Variants in CSMD1 observed in about 807,000 individuals in gnomAD.
The protein encoded by CSMD1 is CUB and sushi domain-containing protein 1.
A neutral mutation model predicts 417.5 loss-of-function variants in CSMD1; 213 were observed. The observed-to-expected ratio is 0.51, with a 90% confidence interval of 0.46 to 0.57. The LOEUF is 0.57. CSMD1 is among the 20% of genes least tolerant of loss of function. The pLI, the probability that CSMD1 is intolerant of heterozygous loss-of-function variation, is 0.00. For missense variants in CSMD1, 6,923 were observed against 4,529.7 expected, an observed-to-expected ratio of 1.53 and a Z score of -15.17; for synonymous variants, 2,862 against 1,736.8, an observed-to-expected ratio of 1.65 and a Z score of -16.11.
At chr8:4,273,709 A>G (rs1227640078) in intron 3 of CSMD1, among the ~76,000 whole-genome samples, 1 of 152,186 alleles carries the variant, frequency 6.6e-6, no homozygotes, top group African/African-American at 2.4e-5. Context: ...TATTCAGTTA[A>G]AAGGATTTGT....
In CSMD1 at chr8:4,023,084, T is replaced by C. The variant is rs562819203; in HGVS notation, c.610+8821A>G. 9.2e-5 allele frequency among the ~76,000 whole-genome samples: 14 copies of C among 152,316 alleles called. No individual in the cohort carries two copies. The East Asian group carries it at 1.4e-3, about 15-fold the overall frequency. ...CTCTTTGCAGTGAAATATGGCCTCA[T>C]GGTTGAGCTTCAGCTAATGCAGTGG... On this transcript the variant is annotated intron_variant, in intron 4 of 69. Transcript: ENST00000635120.
At position 3,118,493 on chromosome 8, in the gene CSMD1, C is replaced by T. The variant is rs1266329557; in HGVS notation, c.6336G>A (p.Glu2112=). 4 of 1,613,926 alleles carry T rather than the reference C, an allele frequency of 2.5e-6. No individual in the cohort carries two copies. Among genetic ancestry groups the T allele is most frequent in the South Asian group, 1.1e-5 (1 of 91,086 alleles). The stretch of plus-strand genomic sequence containing the variant: ...CTATTAGAATGTACCCAGGATAACA[C>T]TCGAAAGATACTGATTGCCCCACGC... ...DYSVGQSVSF[E]CYPGYILIGH... Residue 2112 remains glutamate (E), a synonymous_variant, in exon 42 of 70, where the codon GAG becomes GAA. Coordinates refer to ENST00000635120, the MANE Select transcript of CSMD1 (RefSeq NM_033225.6).
At chr8:3,434,503 T>C (rs539449695) in intron 12 of CSMD1, among the ~76,000 whole-genome samples, 7 of 152,312 alleles carry the variant, frequency 4.6e-5, no homozygotes, top group East Asian at 3.9e-4. Flanking sequence ...CATTTTGTTA[T>C]AGACAGTTCA....
chr8:3,091,267 C>T (rs952679765), intron 48 of CSMD1, among the ~76,000 whole-genome samples: 2 of 151,776 alleles, frequency 1.3e-5, no homozygotes, highest in Non-Finnish European at 2.9e-5. Flanking sequence ...AATGTCTTTG[C>T]TTTCTATAAT....
At chr8:4,388,793 T>C (rs1299537922) in intron 3 of CSMD1, among the ~76,000 whole-genome samples, 2 of 152,220 alleles carry the variant, frequency 1.3e-5, no homozygotes, top group East Asian at 1.9e-4. Context: ...TCCTTGATCC[T>C]CCCAGTACCT....
At chr8:3,142,096 C>CTA (rs1447847095) in intron 41 of CSMD1, among the ~76,000 whole-genome samples, 1 of 152,156 alleles carries the variant, frequency 6.6e-6, no homozygotes, top group Non-Finnish European at 1.5e-5. Flanking sequence ...CGCGCCCGGC[C>CTA]GCCAAATTAT....
In CSMD1 at chr8:4,218,920, C is replaced by T. The variant is rs561812285; in HGVS notation, c.416-186821G>A. Among the ~76,000 whole-genome samples the T allele has an allele frequency of 4.6e-5, 7 of 152,258 alleles. No homozygotes were observed. The South Asian group carries it at 1.4e-3, about 32-fold the overall frequency. Reference sequence around the variant, plus strand: ...ATGATCTTTCCATTTTGGATCTGAACCCTTGGGGTCATTCTCTGAGCAATG... The same window carrying T: ...ATGATCTTTCCATTTTGGATCTGAATCCTTGGGGTCATTCTCTGAGCAATG... On this transcript the variant is annotated intron_variant, in intron 3 of 69. Coordinates refer to ENST00000635120, the MANE Select transcript of CSMD1 (RefSeq NM_033225.6).
intron 10 of CSMD1, among the ~76,000 whole-genome samples, chr8:3,534,792 C>CA (rs1205027739): frequency 1.3e-5 from 2 of 152,192 alleles, no homozygotes; most frequent in African/African-American, 4.8e-5. Context: ...TTCCTTGTTA[C>CA]AAATTTCTCA....
chr8:4,531,190 T>G (rs73182929), intron 2 of CSMD1, among the ~76,000 whole-genome samples: 11,848 of 152,226 alleles, frequency 0.078, 570 homozygotes, highest in East Asian at 0.13. Flanking sequence ...TATCGCCATG[T>G]AATCAGTGAC....
intron 1 of CSMD1, among the ~76,000 whole-genome samples, chr8:4,639,696 A>T (rs1042337725): frequency 6.6e-6 from 1 of 152,224 alleles, no homozygotes; most frequent in Non-Finnish European, 1.5e-5. Flanking sequence ...AAGTACAAAT[A>T]GAAAATTATT....
At chr8:3,185,378 T>G (rs187010691) in intron 36 of CSMD1, among the ~76,000 whole-genome samples, 4 of 152,186 alleles carry the variant, frequency 2.6e-5, no homozygotes, top group Non-Finnish European at 5.9e-5. Context: ...TCACTATTAT[T>G]AGTAAGGCAT....
At chr8:4,461,543 T>G (rs1292998726) in intron 2 of CSMD1, among the ~76,000 whole-genome samples, 1 of 149,536 alleles carries the variant, frequency 6.7e-6, no homozygotes, top group East Asian at 2.0e-4. Flanking sequence ...ATCCATATTT[T>G]TTTTTGGTGG....
chr8:3,619,609 C>A (rs1802319924), intron 7 of CSMD1, among the ~76,000 whole-genome samples: 1 of 151,926 alleles, frequency 6.6e-6, no homozygotes, highest in South Asian at 2.1e-4. Flanking sequence ...TAATGAACAC[C>A]TAGTAGGATA....
At chr8:3,758,645 A>G (rs902871101) in intron 5 of CSMD1, among the ~76,000 whole-genome samples, 5 of 152,176 alleles carry the variant, frequency 3.3e-5, no homozygotes, top group Non-Finnish European at 7.3e-5. Context: ...ACTCTCTAAC[A>G]ACTTGGTGTT....
intron 7 of CSMD1, among the ~76,000 whole-genome samples, chr8:3,691,011 C>G (rs1461168293): frequency 1.3e-5 from 2 of 152,106 alleles, no homozygotes; most frequent in African/African-American, 4.8e-5. Context: ...CGGGTTTCAT[C>G]TTTACCCTGG....
chr8:4,076,178 C>T (rs1799813043), intron 3 of CSMD1, among the ~76,000 whole-genome samples: 2 of 152,164 alleles, frequency 1.3e-5, no homozygotes, highest in South Asian at 4.1e-4. Flanking sequence ...GTTCTCACGA[C>T]AGTGAGTGAG....
At chr8:4,302,498 C>G (rs147099690) in intron 3 of CSMD1, among the ~76,000 whole-genome samples, 6 of 152,254 alleles carry the variant, frequency 3.9e-5, no homozygotes, top group African/African-American at 1.4e-4. Context: ...AGCTACTTGA[C>G]CACAGTAGCG....
chr8:3,202,054 G>A lies in CSMD1; in HGVS notation c.4985-329C>T, dbSNP rs533607101. On this transcript the variant is annotated intron_variant, in intron 31 of 69. Transcript: ENST00000635120. ...GTGGTGGCTCACGCCTGTAATCCCA[G>A]TACTTTGGGAGGCTGAGGCAGGAGA... Among the ~76,000 whole-genome samples the A allele has an allele frequency of 1.9e-3, 283 of 152,250 alleles. 1 individual carries two copies. The highest frequency in any genetic ancestry group is 6.3e-3 in the African/African-American group (262 of 41,552).
chr8:3,046,944 C>T (rs955149478), intron 50 of CSMD1, among the ~76,000 whole-genome samples: 9 of 152,110 alleles, frequency 5.9e-5, no homozygotes, highest in South Asian at 4.1e-4. Context: ...CTGGGCCAGG[C>T]GCAGTGGCTG....
Sources: gnomAD v4.1 joint callset for allele counts (sites outside exome capture counted in the v4.1 genomes callset) on GRCh38, gnomAD v4.1.1 for gene constraint, MANE v1.5 for transcripts, NCBI Gene and HGNC (gene_info 2026-07-23, HGNC 2026-07-21) for gene names.